The following PRKAR2B variants were observed in gnomAD, a reference collection of about 807,000 sequenced individuals.
PRKAR2B encodes the protein cAMP-dependent protein kinase type II-beta regulatory subunit.
Under a neutral mutation model 49.9 loss-of-function variants are expected in PRKAR2B, and 14 were observed. The ratio of observed to expected loss-of-function variants is 0.28; its 90% CI spans 0.19 to 0.44. The LOEUF (loss-of-function observed/expected upper bound fraction) is 0.44. PRKAR2B is among the 20% of genes least tolerant of loss of function. The pLI is 1.00. For synonymous variants in PRKAR2B, 196 were observed against 197.7 expected (o/e 0.99, Z 0.07); for missense variants, 393 against 537.9 (o/e 0.73, Z 2.67).
At chr7:107,092,739 G>A (rs1794754106) in intron 2 of PRKAR2B, among the ~76,000 whole-genome samples, 1 of 151,844 alleles carries the variant, frequency 6.6e-6, no homozygotes, top group African/African-American at 2.4e-5. Context: ...TAAAATTCAC[G>A]ATTTTTACCA....
At chr7:107,072,534 C>T (rs1041804735) in intron 2 of PRKAR2B, among the ~76,000 whole-genome samples, 1 of 152,098 alleles carries the variant, frequency 6.6e-6, no homozygotes, top group Non-Finnish European at 1.5e-5. Flanking sequence ...ATTTAATCAT[C>T]TACTTCTCTG....
rs185367387 is a variant in PRKAR2B, at chr7:107,115,089, T to A, written c.344-6863T>A. Among the ~76,000 whole-genome samples, 12 of 152,226 alleles carry A rather than the reference T, an allele frequency of 7.9e-5. No homozygotes were observed. In the East Asian group the frequency reaches 2.3e-3, roughly 29 times the overall value. On this transcript the variant is annotated intron_variant, in intron 2 of 10. Transcript: ENST00000265717. ...ACAGAAATTTTTTAGGAATAGTAAT[T>A]ACATGTCTGGGATGGTTTAGAACCT...
intron 8 of PRKAR2B, among the ~76,000 whole-genome samples, chr7:107,154,077 A>AGT (rs1016075414): frequency 1.6e-4 from 24 of 151,488 alleles, no homozygotes; most frequent in African/African-American, 4.6e-4. Context: ...CCCATTGCTG[A>AGT]GTGTGTGTGT....
intron 1 of PRKAR2B, among the ~76,000 whole-genome samples, chr7:107,062,206 AT>A (rs1419151614): frequency 1.3e-5 from 2 of 152,244 alleles, no homozygotes; most frequent in African/African-American, 4.8e-5. Flanking sequence ...CATTTACAAA[AT>A]GGTTGTAAAC....
At chr7:107,077,719 T>C (rs1302971160) in intron 2 of PRKAR2B, 1 of 152,208 alleles carries the variant, frequency 6.6e-6, no homozygotes, top group South Asian at 2.1e-4. Context: ...AGAGGCTGTA[T>C]AGGCTCTGGA....
At chr7:107,096,806 G>A (rs1302029484) in intron 2 of PRKAR2B, among the ~76,000 whole-genome samples, 1 of 152,314 alleles carries the variant, frequency 6.6e-6, no homozygotes, top group East Asian at 1.9e-4. Flanking sequence ...CGGTTTCCAT[G>A]TAGTTGAGTG....
At chr7:107,144,451 A>T (rs757967098) in intron 5 of PRKAR2B, among the ~76,000 whole-genome samples, 1 of 151,414 alleles carries the variant, frequency 6.6e-6, no homozygotes, top group Non-Finnish European at 1.5e-5. Context: ...ATTATTAATA[A>T]TCCTTTTCTT....
intron 4 of PRKAR2B, among the ~76,000 whole-genome samples, chr7:107,134,219 G>A (rs1010539890): frequency 2.6e-5 from 4 of 152,126 alleles, no homozygotes; most frequent in Admixed American, 6.6e-5. Flanking sequence ...AGTAGACATG[G>A]AGTTTGACTA....
At chr7:107,082,918 G>A (rs1321512419) in intron 2 of PRKAR2B, among the ~76,000 whole-genome samples, 1 of 152,052 alleles carries the variant, frequency 6.6e-6, no homozygotes, top group African/African-American at 2.4e-5. Context: ...GTTTTAGAAG[G>A]GATCTTGGTG....
chr7:107,091,226 G>A (rs1446430704), intron 2 of PRKAR2B, among the ~76,000 whole-genome samples: 2 of 152,192 alleles, frequency 1.3e-5, no homozygotes, highest in African/African-American at 4.8e-5. Context: ...AACTGTAGAA[G>A]AGATAGTTTT....
intron 2 of PRKAR2B, among the ~76,000 whole-genome samples, chr7:107,092,294 T>C (rs533289308): frequency 5.3e-5 from 8 of 151,522 alleles, no homozygotes; most frequent in Non-Finnish European, 1.0e-4. Context: ...TGTGTGTGTG[T>C]CACAGAATGA....
chr7:107,107,585 G>A (rs964021640), intron 2 of PRKAR2B, among the ~76,000 whole-genome samples: 3 of 151,928 alleles, frequency 2.0e-5, no homozygotes, highest in South Asian at 2.1e-4. Flanking sequence ...CAGTTAGGGT[G>A]TGAAGAAACT....
rs1374653195 is a variant in PRKAR2B at position 107,153,342 on chromosome 7, A to G, written c.918+91A>G. On this transcript the variant is annotated intron_variant, in intron 8 of 10. Transcript: ENST00000265717. ...CTTGATAAACTTTTCATATTTCTAA[A>G]ATTAGTATGCAGTGATGGGTTAAAT... The G allele has an allele frequency of 6.7e-6, 6 of 896,818 alleles. No homozygotes were observed. In the East Asian group the frequency reaches 1.6e-4, roughly 24 times the overall value. 55.6% of individuals were successfully genotyped at this position (896,818 alleles called of 1,614,324 possible).
intron 2 of PRKAR2B, among the ~76,000 whole-genome samples, chr7:107,116,066 T>G (rs577168388): frequency 6.6e-6 from 1 of 152,354 alleles, no homozygotes; most frequent in Non-Finnish European, 1.5e-5. Flanking sequence ...TTGTAACTGT[T>G]GTGTAAGCCA....
chr7:107,142,525 T>C (rs1358413483), intron 5 of PRKAR2B, among the ~76,000 whole-genome samples: 2 of 152,190 alleles, frequency 1.3e-5, no homozygotes. Context: ...AAAACTGCCT[T>C]ACATTTGTAT....
chr7:107,066,885 T>C (rs888824286), intron 1 of PRKAR2B: 1 of 152,224 alleles, frequency 6.6e-6, no homozygotes, highest in Non-Finnish European at 1.5e-5. Context: ...CAGGTTTTTT[T>C]CTTCAGAAAA....
chr7:107,124,522 A>T (rs1300001535), intron 3 of PRKAR2B, among the ~76,000 whole-genome samples: 1 of 152,246 alleles, frequency 6.6e-6, no homozygotes, highest in Non-Finnish European at 1.5e-5. Flanking sequence ...GGGTCAAGTG[A>T]TTCTCATGCC....
intron 2 of PRKAR2B, among the ~76,000 whole-genome samples, chr7:107,107,641 C>T (rs1224602654): frequency 6.6e-6 from 1 of 151,532 alleles, no homozygotes; most frequent in East Asian, 2.0e-4. Flanking sequence ...CTCTATCCAG[C>T]AGCAAGCAGA....
chr7:107,051,223 T>A (rs1223838815), intron 1 of PRKAR2B, among the ~76,000 whole-genome samples: 3 of 152,234 alleles, frequency 2.0e-5, no homozygotes, highest in Non-Finnish European at 4.4e-5. Context: ...TCAAGTTGAT[T>A]GATAAGGTTT....
Sources: allele counts gnomAD v4.1 joint callset (sites outside exome capture counted in the v4.1 genomes callset), GRCh38; gene constraint gnomAD v4.1.1; transcripts MANE v1.5; gene names NCBI Gene and HGNC (gene_info 2026-07-23, HGNC 2026-07-21).